KCNQ3: variants seen among roughly 807,000 people sequenced by gnomAD.
The protein encoded by KCNQ3 is potassium voltage-gated channel subfamily KQT member 3.
A neutral mutation model predicts 92.5 loss-of-function variants in KCNQ3; 30 were observed. The observed-to-expected ratio is 0.32, with a 90% CI of 0.24 to 0.44. The LOEUF (loss-of-function observed/expected upper bound fraction) is 0.44. Among genes scored for constraint, KCNQ3 ranks in the 20% least tolerant of loss-of-function variants. The pLI, the probability that KCNQ3 is intolerant of heterozygous loss-of-function variation, is 1.00. For missense variants in KCNQ3, 913 were observed against 1,140.3 expected (o/e 0.80, Z 2.87); for synonymous variants, 450 against 468.8 (o/e 0.96, Z 0.52).
intron 1 of KCNQ3, among the ~76,000 whole-genome samples, chr8:132,225,094 A>G (rs1160343353): frequency 6.6e-6 from 1 of 152,256 alleles, no homozygotes; most frequent in African/African-American, 2.4e-5. Context: ...TCAGGAAAAA[A>G]TCTGGAAGTG....
chr8:132,197,232 G>A (rs1213587265), intron 1 of KCNQ3, among the ~76,000 whole-genome samples: 10 of 152,122 alleles, frequency 6.6e-5, no homozygotes, highest in Non-Finnish European at 5.9e-5. Flanking sequence ...CTCTACGCAT[G>A]CCATATTTGG....
intron 1 of KCNQ3, among the ~76,000 whole-genome samples, chr8:132,262,969 G>C (rs1180633143): frequency 6.6e-6 from 1 of 152,114 alleles, no homozygotes; most frequent in Non-Finnish European, 1.5e-5. Flanking sequence ...TCAGTCAAGG[G>C]ACCTGAAGCT....
chr8:132,442,264 C>T (rs894877681), intron 1 of KCNQ3, among the ~76,000 whole-genome samples: 1 of 152,144 alleles, frequency 6.6e-6, no homozygotes, highest in African/African-American at 2.4e-5. Flanking sequence ...CGGATTCTTC[C>T]TCCATATGTA....
intron 1 of KCNQ3, among the ~76,000 whole-genome samples, chr8:132,206,825 C>A (rs1158793009): frequency 6.6e-6 from 1 of 151,680 alleles, no homozygotes; most frequent in Non-Finnish European, 1.5e-5. Flanking sequence ...GTTATTTTTT[C>A]ATTTCAGTTT....
chr8:132,459,384 A>C (rs1178625571), intron 1 of KCNQ3, among the ~76,000 whole-genome samples: 1 of 152,092 alleles, frequency 6.6e-6, no homozygotes, highest in Admixed American at 6.6e-5. Context: ...TCCAGTGAGG[A>C]CCTCCAGTTG....
intron 1 of KCNQ3, among the ~76,000 whole-genome samples, chr8:132,324,729 C>T (rs536931199): frequency 6.6e-6 from 1 of 152,098 alleles, no homozygotes; most frequent in Non-Finnish European, 1.5e-5. Context: ...AGTAGATCAG[C>T]CCCATTTTTA....
intron 1 of KCNQ3, among the ~76,000 whole-genome samples, chr8:132,390,244 G>A (rs943956795): frequency 6.6e-6 from 1 of 152,156 alleles, no homozygotes; most frequent in Non-Finnish European, 1.5e-5. Flanking sequence ...GAATACTTAG[G>A]GAATGAAAGC....
chr8:132,285,003 C>A (rs1310797137), intron 1 of KCNQ3, among the ~76,000 whole-genome samples: 2 of 152,298 alleles, frequency 1.3e-5, no homozygotes, highest in East Asian at 3.9e-4. Context: ...TTAGACTTCC[C>A]AACCTCTAGA....
chr8:132,391,384 G>A lies in KCNQ3; in HGVS notation c.386+88763C>T, dbSNP rs113418070. Among the ~76,000 whole-genome samples, 1,461 of 152,148 alleles carry A rather than the reference G, an allele frequency of 9.6e-3. 24 individuals carry two copies. The highest frequency in any genetic ancestry group is 0.033 in the African/African-American group (1,363 of 41,496). ...AGAGGATGACAAAGACAGCTGTCTC[G>A]CTTCTTCAAGATGTTTTGGTGAGGC... On this transcript the variant is annotated intron_variant, in intron 1 of 14. Coordinates refer to ENST00000388996, the MANE Select transcript of KCNQ3 (RefSeq NM_004519.4).
chr8:132,384,461 T>C (rs1347372538), intron 1 of KCNQ3, among the ~76,000 whole-genome samples: 1 of 152,280 alleles, frequency 6.6e-6, no homozygotes, highest in East Asian at 1.9e-4. Context: ...AGAGGTCATG[T>C]ACAATGGAAG....
chr8:132,283,436 T>C (rs1816591012), intron 1 of KCNQ3, among the ~76,000 whole-genome samples: 1 of 152,190 alleles, frequency 6.6e-6, no homozygotes, highest in African/African-American at 2.4e-5. Flanking sequence ...GGAAACACAC[T>C]CAAAGGAAAG....
chr8:132,447,141 C>CT, intron 1 of KCNQ3: 2 of 1,420,562 alleles, frequency 1.4e-6, no homozygotes, highest in South Asian at 2.4e-5. Context: ...CCCTGGGACT[C>CT]TGAGTCCATC....
intron 1 of KCNQ3, among the ~76,000 whole-genome samples, chr8:132,366,336 T>C (rs1056041355): frequency 6.6e-6 from 1 of 152,218 alleles, no homozygotes; most frequent in East Asian, 1.9e-4. Context: ...TCTCTCTTAG[T>C]AGTACATTTT....
At chr8:132,342,425 ATAAG>A (rs1327749314) in intron 1 of KCNQ3, among the ~76,000 whole-genome samples, 1 of 152,120 alleles carries the variant, frequency 6.6e-6, no homozygotes, top group Non-Finnish European at 1.5e-5. Context: ...AGAAAGGGCA[ATAAG>A]TAAGGTAAAG....
chr8:132,480,427 C>G lies in KCNQ3; in HGVS notation c.106G>C (p.Ala36Pro), dbSNP rs767638119. ...CCCACTTTCCGCTCCTCGTCGCCGG[C>G]CGCCGCCGCGTCCCCTCCGGCTGGG... is the stretch of plus-strand genomic sequence containing the variant. ...ANPAGGDAAA[A>P]GDEERKVGLA... Residue 36 changes from alanine to proline, a missense_variant, in exon 1 of 15, where the codon GCC becomes CCC. By Grantham distance (27) the Ala-to-Pro change is conservative. Transcript: ENST00000388996. 2 of 1,465,236 alleles carry G rather than the reference C, an allele frequency of 1.4e-6. No homozygotes were observed. The highest frequency in any genetic ancestry group is 1.8e-6 in the Non-Finnish European group (2 of 1,112,196). 90.8% of individuals were successfully genotyped at this position (1,465,236 alleles called of 1,614,324 possible).
At chr8:132,187,541 G>T (rs1827008864) in intron 1 of KCNQ3, among the ~76,000 whole-genome samples, 1 of 152,176 alleles carries the variant, frequency 6.6e-6, no homozygotes, top group African/African-American at 2.4e-5. Context: ...CCTGTGTTTG[G>T]ACATTTTATG....
intron 1 of KCNQ3, among the ~76,000 whole-genome samples, chr8:132,475,946 C>A (rs763424851): frequency 3.3e-5 from 5 of 152,228 alleles, no homozygotes; most frequent in Admixed American, 2.6e-4. Flanking sequence ...CTGGGCCAGG[C>A]CCAGGGCCCC....
chr8:132,423,815 T>C lies in KCNQ3; in HGVS notation c.386+56332A>G, dbSNP rs116745158. Among the ~76,000 whole-genome samples the C allele has an allele frequency of 3.1e-3, 466 of 152,272 alleles. 1 individual carries two copies. The highest frequency in any genetic ancestry group is 0.01 in the African/African-American group (433 of 41,554). ...GCTTTCAGGTGGAGCCTCACCCGGA[T>C]GGCCCCACCATACAGTATGGAGACC... On this transcript the variant is annotated intron_variant, in intron 1 of 14. Coordinates refer to ENST00000388996, the MANE Select transcript of KCNQ3 (RefSeq NM_004519.4).
At chr8:132,175,277 TG>T (rs1826509738) in intron 5 of KCNQ3, among the ~76,000 whole-genome samples, 175 bp downstream of exon 5, 1 of 152,238 alleles carries the variant, frequency 6.6e-6, no homozygotes, top group Non-Finnish European at 1.5e-5. Flanking sequence ...CAATTCCAAG[TG>T]CCCACCTTGA....
Sources: gnomAD v4.1 joint callset for allele counts (sites outside exome capture counted in the v4.1 genomes callset) on GRCh38, gnomAD v4.1.1 for gene constraint, MANE v1.5 for transcripts, NCBI Gene and HGNC (gene_info 2026-07-23, HGNC 2026-07-21) for gene names.